Variants in RANBP2 observed in about 807,000 individuals in gnomAD.
RANBP2 encodes the protein RAN binding protein 2.
RANBP2 carries 57 observed loss-of-function variants against 303.6 expected under a neutral mutation model. That is an observed-to-expected ratio of 0.19 (90% confidence interval 0.15 to 0.23). The LOEUF is 0.23. Ranked by LOEUF, RANBP2 falls within the 10% of genes least tolerant of loss-of-function variation. The pLI, the probability that RANBP2 is intolerant of heterozygous loss-of-function variation, is 1.00. For synonymous variants in RANBP2, 1,167 were observed against 1,301.5 expected (o/e 0.90, Z 2.23); for missense variants, 3,138 against 3,780.8 (o/e 0.83, Z 4.46).
chr2:108,720,897 AAGTT>A (rs1428230928), intron 1 of RANBP2, among the ~76,000 whole-genome samples: 4 of 152,190 alleles, frequency 2.6e-5, no homozygotes, highest in Admixed American at 6.5e-5. Flanking sequence ...AATACAAAAA[AAGTT>A]AGCCGGGCGT....
At chr2:109,300,738 C>G in the RANBP2 span, among the ~76,000 whole-genome samples, 4 of 152,234 alleles carry the variant, frequency 2.6e-5, no homozygotes, top group Non-Finnish European at 4.4e-5. Context: ...CTTCAGAGCC[C>G]ACCAGCTGGA....
chr2:109,035,096 G>T, the RANBP2 span, among the ~76,000 whole-genome samples: 1 of 152,158 alleles, frequency 6.6e-6, no homozygotes, highest in African/African-American at 2.4e-5. Context: ...TATCCAGAAG[G>T]ATCAGCATGG....
At chr2:109,035,763 C>T in the RANBP2 span, among the ~76,000 whole-genome samples, 2 of 152,186 alleles carry the variant, frequency 1.3e-5, no homozygotes, top group African/African-American at 2.4e-5. Flanking sequence ...GGTGAGCACT[C>T]GAGCTGGGAG....
At chr2:109,209,541 T>C in the RANBP2 span, among the ~76,000 whole-genome samples, 15 of 152,132 alleles carry the variant, frequency 9.9e-5, no homozygotes, top group Non-Finnish European at 2.1e-4. Flanking sequence ...CAGTGTGTTA[T>C]CTGAGGAAAG....
the RANBP2 span, among the ~76,000 whole-genome samples, chr2:109,507,761 A>G: frequency 6.6e-6 from 1 of 152,126 alleles, no homozygotes. Flanking sequence ...CCAAAAACCA[A>G]CTGGAATAAG....
At chr2:109,476,122 G>T in the RANBP2 span, among the ~76,000 whole-genome samples, 8 of 152,304 alleles carry the variant, frequency 5.3e-5, no homozygotes, top group Admixed American at 3.9e-4. Context: ...ACCAAACTAA[G>T]AGGAAATTAT....
At chr2:109,634,941 C>T in the RANBP2 span, among the ~76,000 whole-genome samples, 3 of 152,208 alleles carry the variant, frequency 2.0e-5, no homozygotes, top group South Asian at 4.1e-4. Context: ...CTTATTTTGT[C>T]ATCTACCAGC....
At chr2:109,195,862 C>T in the RANBP2 span, among the ~76,000 whole-genome samples, 4 of 152,148 alleles carry the variant, frequency 2.6e-5, no homozygotes, top group Admixed American at 6.5e-5. Context: ...TCTGGCTATG[C>T]GTTTGGAAGG....
At chr2:109,390,805 A>G in the RANBP2 span, among the ~76,000 whole-genome samples, 4 of 152,284 alleles carry the variant, frequency 2.6e-5, no homozygotes, top group Admixed American at 1.3e-4. Flanking sequence ...GCTACCCACT[A>G]TGAGATGAGC....
At chr2:109,557,135 C>T in the RANBP2 span, among the ~76,000 whole-genome samples, 76 of 151,616 alleles carry the variant, frequency 5.0e-4, no homozygotes, top group African/African-American at 1.7e-3. Context: ...CAAACCAGCA[C>T]GTTGTGCACA....
At chr2:108,873,681 C>A in the RANBP2 span, 1 of 828,292 alleles carries the variant, frequency 1.2e-6, no homozygotes, top group Non-Finnish European at 1.8e-6. Flanking sequence ...CTTCCCTGGG[C>A]CACACTGGAT....
chr2:108,988,166 C>T, the RANBP2 span, among the ~76,000 whole-genome samples: 2 of 152,208 alleles, frequency 1.3e-5, no homozygotes, highest in African/African-American at 4.8e-5. Flanking sequence ...TTTTAACTGT[C>T]CCTCTTGTTG....
the RANBP2 span, among the ~76,000 whole-genome samples, chr2:109,136,516 T>C: frequency 1.3e-5 from 2 of 152,078 alleles, no homozygotes; most frequent in Non-Finnish European, 2.9e-5. Context: ...AATGAAAAAG[T>C]GTATAAAGTT....
chr2:108,812,817 C>G, the RANBP2 span: 1 of 1,612,304 alleles, frequency 6.2e-7, no homozygotes, highest in Admixed American at 1.7e-5. Context: ...TATACTGTTG[C>G]AGAGGAAGTA....
At chr2:108,976,966 T>TGC in the RANBP2 span, among the ~76,000 whole-genome samples, 2 of 152,138 alleles carry the variant, frequency 1.3e-5, no homozygotes, top group African/African-American at 2.4e-5. Flanking sequence ...CAGATCTGGG[T>TGC]GCACAGTGAG....
chr2:109,337,619 T>G, the RANBP2 span, among the ~76,000 whole-genome samples: 1 of 152,082 alleles, frequency 6.6e-6, no homozygotes, highest in Non-Finnish European at 1.5e-5. Flanking sequence ...CCTCCATTGG[T>G]GGAATAACCT....
chr2:108,970,161 C>T, the RANBP2 span, among the ~76,000 whole-genome samples: 1,492 of 152,176 alleles, frequency 9.8e-3, 35 homozygotes, highest in African/African-American at 0.035. Context: ...GGGAGCATCG[C>T]CTGGGAGCTC....
intron 7 of RANBP2, among the ~76,000 whole-genome samples, chr2:108,740,893 C>G (rs1487794602): frequency 6.6e-6 from 1 of 151,564 alleles, no homozygotes; most frequent in South Asian, 2.1e-4. Context: ...TTGTTGAAAG[C>G]CTGCATTGCC....
the RANBP2 span, among the ~76,000 whole-genome samples, chr2:109,188,275 G>T: frequency 1.3e-5 from 2 of 152,246 alleles, no homozygotes; most frequent in Non-Finnish European, 2.9e-5. Context: ...AGACAACTGT[G>T]CCAGTCTTTC....
Sources: allele counts gnomAD v4.1 joint callset (sites outside exome capture counted in the v4.1 genomes callset), GRCh38; gene constraint gnomAD v4.1.1; transcripts MANE v1.5; gene names NCBI Gene and HGNC (gene_info 2026-07-23, HGNC 2026-07-21).